Variants in HDGFL3 observed in about 807,000 individuals in gnomAD.
HDGFL3 encodes the protein hepatoma-derived growth factor-related protein 3.
In HDGFL3, 6 loss-of-function variants were observed where a neutral mutation model predicts 27.6. The observed-to-expected ratio is 0.22, with a 90% CI of 0.12 to 0.43. HDGFL3 has a LOEUF of 0.43. Ranked by LOEUF, HDGFL3 falls within the 20% of genes least tolerant of loss-of-function variation. HDGFL3 has a pLI of 1.00. For missense variants in HDGFL3, 207 were observed against 250.1 expected, an observed-to-expected ratio of 0.83 and a Z score of 1.16; for synonymous variants, 88 against 88.9, an observed-to-expected ratio of 0.99 and a Z score of 0.05.
At chr15:83,117,373 C>T (rs984392889) in intron 3 of HDGFL3, among the ~76,000 whole-genome samples, 3 of 152,114 alleles carry the variant, frequency 2.0e-5, no homozygotes, top group South Asian at 2.1e-4. Flanking sequence ...CACGGGCCAT[C>T]GGAGTGCAGT....
chr15:83,157,372 A>C (rs1221140076), intron 4 of HDGFL3, 43 bp downstream of exon 4: 4 of 1,524,944 alleles, frequency 2.6e-6, no homozygotes, highest in South Asian at 1.1e-5. Flanking sequence ...TGTTTAATGG[A>C]TATGCATATA....
chr15:83,186,224 T>A (rs2037440531), intron 1 of HDGFL3, among the ~76,000 whole-genome samples: 1 of 152,226 alleles, frequency 6.6e-6, no homozygotes, highest in Non-Finnish European at 1.5e-5. Flanking sequence ...GCCATTAAAT[T>A]TTAGAGCAAC....
intron 1 of HDGFL3, among the ~76,000 whole-genome samples, chr15:83,205,563 G>C (rs1296832652): frequency 6.6e-6 from 1 of 152,120 alleles, no homozygotes; most frequent in Non-Finnish European, 1.5e-5. Flanking sequence ...AACCTGTACA[G>C]GCAACATATT....
downstream of HDGFL3, chr15:83,126,793 T>A (rs758556252): frequency 4.3e-6 from 7 of 1,614,070 alleles, no homozygotes; most frequent in Non-Finnish European, 5.9e-6. Flanking sequence ...GCCGATTATA[T>A]ACGCAATTTC....
chr15:83,139,480 G>C (rs1418585551), intron 5 of HDGFL3, among the ~76,000 whole-genome samples: 1 of 152,128 alleles, frequency 6.6e-6, no homozygotes, highest in Non-Finnish European at 1.5e-5. Context: ...GGAAATCCTA[G>C]GGTATTTTTA....
In HDGFL3 at chr15:83,170,998, A is replaced by G. The variant is rs1351202451; in HGVS notation, c.85-6923T>C. Among the ~76,000 whole-genome samples the G allele has an allele frequency of 2.0e-5, 3 of 152,356 alleles. No homozygotes were observed. In the South Asian group the frequency reaches 6.2e-4, roughly 32 times the overall value. On this transcript the variant is annotated intron_variant, in intron 1 of 5. Transcript: ENST00000299633. The stretch of plus-strand genomic sequence containing the variant: ...AAACTTGTCATTAATCATCAGAGAA[A>G]TGCAAATCAAAACCACAATGAGATA...
At chr15:83,169,390 G>T (rs1266449634) in intron 1 of HDGFL3, among the ~76,000 whole-genome samples, 1 of 120,986 alleles carries the variant, frequency 8.3e-6, no homozygotes, top group African/African-American at 3.3e-5. Context: ...ACTCCAGCCT[G>T]GGCGACAGAG....
chr15:83,120,247 G>C (rs1464603042), intron 3 of HDGFL3, among the ~76,000 whole-genome samples: 1 of 152,216 alleles, frequency 6.6e-6, no homozygotes, highest in African/African-American at 2.4e-5. Context: ...ATGCTAGCTT[G>C]GTCTTGGGAG....
chr15:83,135,559 G>T lies in HDGFL3; in HGVS notation c.*3711C>A, dbSNP rs1296357429. On this transcript the variant is annotated 3_prime_UTR_variant, in exon 6 of 6. Transcript: ENST00000299633. ...TTTGTAATGATACAAGCCTTCTGAG[G>T]AAATTTTCTGACAGGAGCTTTTAAT... 6.6e-6 allele frequency: 1 copy of T among 152,148 alleles called. No homozygotes were observed. 9.4% of individuals were successfully genotyped at this position (152,148 alleles called of 1,614,324 possible).
At chr15:83,125,020 G>A (rs1376619146), downstream of HDGFL3, among the ~76,000 whole-genome samples, 1 of 152,050 alleles carries the variant, frequency 6.6e-6, no homozygotes, top group Non-Finnish European at 1.5e-5. Flanking sequence ...CCCCGTTTTA[G>A]GGCATCTAAA....
intron 5 of HDGFL3, among the ~76,000 whole-genome samples, chr15:83,147,812 T>A (rs2036916781): frequency 6.6e-6 from 1 of 152,316 alleles, no homozygotes; most frequent in Non-Finnish European, 1.5e-5. Context: ...AAAGTCTGAT[T>A]GCTAAAAATA....
intron 2 of HDGFL3, chr15:83,163,765 A>G (rs1345660357): frequency 8.2e-6 from 4 of 489,880 alleles, no homozygotes; most frequent in African/African-American, 2.0e-5. Flanking sequence ...GTGGGTGATG[A>G]CCAACATTTA....
In HDGFL3 at chr15:83,136,585, T is replaced by C. The variant is rs751298937; in HGVS notation, c.*2685A>G. The C allele has an allele frequency of 5.0e-6, 8 of 1,613,922 alleles. No individual in the cohort carries two copies. The highest frequency in any genetic ancestry group is 6.8e-6 in the Non-Finnish European group (8 of 1,179,894). On this transcript the variant is annotated 3_prime_UTR_variant, in exon 6 of 6. Transcript: ENST00000299633. The stretch of plus-strand genomic sequence containing the variant: ...TTTTTTTAGCATTAAACATAGCATA[T>C]GGAGTTCTTCCTCAGCTCTTGGCCT...
chr15:83,152,923 A>G (rs1010801701), intron 4 of HDGFL3, among the ~76,000 whole-genome samples: 2 of 151,676 alleles, frequency 1.3e-5, no homozygotes, highest in African/African-American at 4.8e-5. Context: ...TCTTTATAGT[A>G]TAATTATTAA....
At chr15:83,165,472 C>G (rs2037158165) in intron 1 of HDGFL3, among the ~76,000 whole-genome samples, 1 of 152,118 alleles carries the variant, frequency 6.6e-6, no homozygotes, top group Non-Finnish European at 1.5e-5. Flanking sequence ...ATCAGAGCCC[C>G]TAGAGAAAGA....
intron 1 of HDGFL3, among the ~76,000 whole-genome samples, chr15:83,183,466 T>C (rs993395741): frequency 2.6e-5 from 4 of 152,102 alleles, no homozygotes; most frequent in Admixed American, 2.0e-4. Context: ...TGATTGAATA[T>C]AAAGAGCACC....
intron 1 of HDGFL3, among the ~76,000 whole-genome samples, chr15:83,172,870 C>T (rs1005465668): frequency 1.3e-5 from 2 of 150,688 alleles, no homozygotes; most frequent in African/African-American, 4.9e-5. Context: ...ATTCATCAAG[C>T]GGGAGTGGAT....
At chr15:83,194,823 T>C (rs181333808) in intron 1 of HDGFL3, among the ~76,000 whole-genome samples, 2 of 152,224 alleles carry the variant, frequency 1.3e-5, no homozygotes, top group South Asian at 4.1e-4. Context: ...AAGAGATTAA[T>C]GCATTTTAGC....
At position 83,115,887 on chromosome 15, in the gene HDGFL3, T is replaced by C. The variant is rs143388204; in HGVS notation, c.394-146A>G. The C allele has an allele frequency of 4.9e-5, 79 of 1,614,062 alleles. No individual in the cohort carries two copies. The African/African-American group carries it at 7.7e-4, about 16-fold the overall frequency. On this transcript the variant is annotated intron_variant, in intron 3 of 3. Transcript: ENST00000568294. ...TTTACCAGCGTGGTGAACCTCATCA[T>C]AGGACTGGAGCAAGATGGAATCATT...
Sources: allele counts gnomAD v4.1 joint callset (sites outside exome capture counted in the v4.1 genomes callset), GRCh38; gene constraint gnomAD v4.1.1; transcripts MANE v1.5; gene names NCBI Gene and HGNC (gene_info 2026-07-23, HGNC 2026-07-21).